Variants in TRIML1 observed in about 807,000 individuals in gnomAD.
TRIML1 encodes tripartite motif family like 1.
A neutral mutation model predicts 32.3 loss-of-function variants in TRIML1; 34 were observed. That is an observed-to-expected ratio of 1.05 (90% CI 0.80 to 1.40). The LOEUF (loss-of-function observed/expected upper bound fraction) is 1.40, where lower values mean the gene tolerates loss of function less well. TRIML1 is among the 40% of genes most tolerant of loss of function. The pLI is 0.00. For missense variants in TRIML1, 595 were observed against 574.9 expected (o/e 1.03, Z -0.36); for synonymous variants, 244 against 226.6 (o/e 1.08, Z -0.69).
intron 5 of TRIML1, 120 bp from the exon 6 acceptor site, chr4:188,146,702 C>T (rs551096729): frequency 2.8e-5 from 23 of 807,276 alleles, no homozygotes; most frequent in Admixed American, 1.5e-4. Flanking sequence ...CCATCACGCC[C>T]GGCCCCAAAT....
At chr4:188,140,003 C>A in intron 1 of TRIML1, 37 bp downstream of exon 1, 1 of 1,548,310 alleles carries the variant, frequency 6.5e-7, no homozygotes. Flanking sequence ...CACGACTCAT[C>A]GCAGCTAACT....
At chr4:188,150,036 C>A (rs571011558), downstream of TRIML1, among the ~76,000 whole-genome samples, 4 of 152,166 alleles carry the variant, frequency 2.6e-5, no homozygotes, top group East Asian at 5.8e-4. Flanking sequence ...GATCTCCTGA[C>A]CTCCTGATCC....
chr4:188,139,989 A>G, intron 1 of TRIML1, 23 bp downstream of exon 1: 3 of 1,563,122 alleles, frequency 1.9e-6, no homozygotes, highest in Non-Finnish European at 2.6e-6. Flanking sequence ...CTCAGCATGA[A>G]CCCCACGACT....
At chr4:188,148,935 G>T (rs1373937040), downstream of TRIML1, among the ~76,000 whole-genome samples, 2 of 90,714 alleles carry the variant, frequency 2.2e-5, no homozygotes, top group African/African-American at 8.6e-5. Flanking sequence ...TTTTGAGACG[G>T]AGTAGTCTTG....
Position 188,144,403 on chromosome 4 carries a change from C to T in TRIML1, c.856+270C>T, listed in dbSNP as rs1204186634. Among the ~76,000 whole-genome samples, 5 of 149,406 alleles carry T rather than the reference C, an allele frequency of 3.3e-5. 1 individual carries two copies. Among genetic ancestry groups the T allele is most frequent in the African/African-American group, 7.4e-5 (3 of 40,574 alleles). ...TTTGAGACGGAGTCTCACTCCGTGTCCCGGGCTGGAGCGCAGGGGCGCGAT... is the reference window on the plus strand; with the variant it reads ...TTTGAGACGGAGTCTCACTCCGTGTTCCGGGCTGGAGCGCAGGGGCGCGAT... On this transcript the variant is annotated intron_variant, in intron 5 of 5. Coordinates refer to ENST00000332517, the MANE Select transcript of TRIML1 (RefSeq NM_178556.5).
At chr4:188,148,096 A>C (rs1360102777), downstream of TRIML1, among the ~76,000 whole-genome samples, 2 of 152,184 alleles carry the variant, frequency 1.3e-5, no homozygotes, top group Non-Finnish European at 2.9e-5. Flanking sequence ...AAGCGACTAT[A>C]TTGCATTGTA....
rs757564856 is a variant in TRIML1 at position 188,144,090 on chromosome 4, G to A, written c.813G>A (p.Leu271=). ...AGGCCACCACCACAGAGCTGAGTCT[G>A]TGCCGCATCACGGGAATGAAGGAGA... ...CPEATTTELS[L]CRITGMKEML... is the part of the protein sequence containing the mutation. Residue 271 remains leucine (L), a synonymous_variant, in exon 5 of 6, where the codon CTG becomes CTA. Coordinates refer to ENST00000332517, the MANE Select transcript of TRIML1 (RefSeq NM_178556.5). The A allele has an allele frequency of 2.5e-6, 4 of 1,614,090 alleles. No homozygotes were observed. The East Asian group carries it at 8.9e-5, about 36-fold the overall frequency.
At position 188,139,826 on chromosome 4, in the gene TRIML1, G is replaced by A. The variant is rs1474171062; in HGVS notation, c.268G>A (p.Asp90Asn). The A allele has an allele frequency of 6.2e-7, 1 of 1,613,824 alleles. No homozygotes were observed. Among genetic ancestry groups the A allele is most frequent in the African/African-American group, 1.3e-5 (1 of 74,922 alleles). ...CCGGTCCCAGGTGCTGCAGAGCGAGGATGAGCAGGGCAGCTACGGGAGGAT... is the reference window on the plus strand; with the variant it reads ...CCGGTCCCAGGTGCTGCAGAGCGAGAATGAGCAGGGCAGCTACGGGAGGAT... ...QLRSQVLQSE[D>N]EQGSYGRMPT... Residue 90 changes from aspartate to asparagine, a missense_variant, in exon 1 of 6, where the codon GAT (aspartate) becomes AAT (asparagine). By Grantham distance (23) the Asp-to-Asn change is conservative (BLOSUM62 1). Coordinates refer to ENST00000332517, the MANE Select transcript of TRIML1 (RefSeq NM_178556.5).
At chr4:188,140,757 A>G (rs764369484) in intron 2 of TRIML1, 134 bp downstream of exon 2, 2 of 663,044 alleles carry the variant, frequency 3.0e-6, no homozygotes, top group Non-Finnish European at 5.2e-6. Flanking sequence ...GTTTCCTTGC[A>G]TTGGGCTGCC....
intron 5 of TRIML1, among the ~76,000 whole-genome samples, chr4:188,145,832 AT>A (rs1185010604): frequency 5.9e-5 from 9 of 152,060 alleles, no homozygotes; most frequent in Admixed American, 2.0e-4. Context: ...AAATAAAAAA[AT>A]AAAAGGAGGC....
intron 5 of TRIML1, among the ~76,000 whole-genome samples, chr4:188,144,836 G>A (rs1269792167): frequency 6.6e-6 from 1 of 152,122 alleles, no homozygotes; most frequent in Non-Finnish European, 1.5e-5. Context: ...AACTGTCCTT[G>A]TAGAATGCTC....
intron 5 of TRIML1, 28 bp downstream of exon 5, chr4:188,144,161 CG>C (rs1734968649): frequency 6.3e-7 from 1 of 1,589,036 alleles, no homozygotes; most frequent in Non-Finnish European, 8.6e-7. Flanking sequence ...GTTACCCCTC[CG>C]GGGCTCGAAG....
chr4:188,144,038 G>C lies in TRIML1; in HGVS notation c.761G>C (p.Ser254Thr). ...LEEVRGALER[S>T]EPLLLQCPEA... is the part of the protein sequence containing the mutation. ...TGAACCTCTCTGCTCTCTTGCAGGA[G>C]CGAGCCACTCTTGCTTCAGTGTCCA... Residue 254 changes from serine to threonine, a missense_variant and splice_region_variant, in exon 5 of 6, where the codon AGC becomes ACC. Ser to Thr is a moderately conservative substitution (Grantham distance 58, BLOSUM62 1). Coordinates refer to ENST00000332517, the MANE Select transcript of TRIML1 (RefSeq NM_178556.5). 1 of 1,613,840 alleles carries C rather than the reference G, an allele frequency of 6.2e-7. No individual in the cohort carries two copies. Among genetic ancestry groups the C allele is most frequent in the Non-Finnish European group, 8.5e-7 (1 of 1,179,940 alleles).
chr4:188,148,357 G>T (rs915082743), downstream of TRIML1, among the ~76,000 whole-genome samples: 2 of 150,976 alleles, frequency 1.3e-5, no homozygotes, highest in African/African-American at 4.9e-5. Context: ...AGCTGGGCAT[G>T]ATGGCACATG....
intron 1 of TRIML1, 85 bp from the exon 2 acceptor site, chr4:188,140,443 A>G (rs1384614271): frequency 2.8e-6 from 3 of 1,086,766 alleles, no homozygotes; most frequent in Admixed American, 1.8e-5. Context: ...TTAGAGGCCT[A>G]GGACTGCGCA....
Position 188,141,165 on chromosome 4 carries a change from G to GTTTTTT in TRIML1, c.504+556_504+561dup, listed in dbSNP as rs58714915. Among the ~76,000 whole-genome samples, 684 of 118,648 alleles carry GTTTTTT rather than the reference G, an allele frequency of 5.8e-3. 27 individuals carry two copies. The highest frequency in any genetic ancestry group is 0.019 in the African/African-American group (638 of 33,226). The allele number at this position is 118,648 out of a possible 152,430, so 77.8% of individuals were successfully genotyped here. ...ATTCTCCCAATAGACTTTGAAATCT[G>GTTTTTT]TTTTTTTTTTTTTTTTTTTGGAGAT... On this transcript the variant is annotated intron_variant, in intron 2 of 5. Coordinates refer to ENST00000332517, the MANE Select transcript of TRIML1 (RefSeq NM_178556.5).
chr4:188,140,863 T>C, intron 2 of TRIML1: 1 of 377,672 alleles, frequency 2.6e-6, no homozygotes, highest in Non-Finnish European at 4.8e-6. Context: ...TGTGGCTTCC[T>C]CTATGATGGC....
intron 2 of TRIML1, among the ~76,000 whole-genome samples, chr4:188,141,837 G>T (rs73023237): frequency 2.0e-5 from 3 of 151,926 alleles, no homozygotes; most frequent in Non-Finnish European, 2.9e-5. Flanking sequence ...ACTTGGCCAG[G>T]CATGGTGGCC....
intron 5 of TRIML1, among the ~76,000 whole-genome samples, chr4:188,144,524 G>A (rs147091530): frequency 0.049 from 6,701 of 137,078 alleles, 496 homozygotes; most frequent in East Asian, 0.11. Flanking sequence ...CACCACGCCT[G>A]GGTAATTTTT....
Sources: allele counts gnomAD v4.1 joint callset (sites outside exome capture counted in the v4.1 genomes callset), GRCh38; gene constraint gnomAD v4.1.1; transcripts MANE v1.5; gene names NCBI Gene and HGNC (gene_info 2026-07-23, HGNC 2026-07-21).